RETREG3: variants seen among roughly 807,000 people sequenced by gnomAD.
RETREG3 encodes the protein reticulophagy regulator family member 3.
Under a neutral mutation model 50.2 loss-of-function variants are expected in RETREG3, and 23 were observed. The observed-to-expected ratio is 0.46, with a 90% CI of 0.33 to 0.65. The LOEUF is 0.65. RETREG3 is among the 30% of genes least tolerant of loss of function. The pLI, the probability that RETREG3 is intolerant of heterozygous loss-of-function variation, is 0.02. For missense variants in RETREG3, 546 were observed against 598.0 expected, an observed-to-expected ratio of 0.91 and a Z score of 0.91; for synonymous variants, 240 against 234.4, an observed-to-expected ratio of 1.02 and a Z score of -0.22.
At chr17:42,597,168 C>T (rs1012136680) in intron 1 of RETREG3, among the ~76,000 whole-genome samples, 2 of 150,964 alleles carry the variant, frequency 1.3e-5, no homozygotes, top group African/African-American at 2.4e-5. Context: ...GCCGCTGTAC[C>T]TGGCCAGAAG....
In RETREG3 at chr17:42,605,379, T is replaced by C. The variant is rs1396838391; in HGVS notation, c.239+3707A>G. On this transcript the variant is annotated intron_variant, in intron 1 of 8. Transcript: ENST00000309428. ...AAAAGAGAAACTAAATATTTCAGAT[T>C]TGATTTTTCTGACTTGAGCTAATGA... 4 of 152,150 alleles carry C rather than the reference T, an allele frequency of 2.6e-5. No homozygotes were observed. In the East Asian group the frequency reaches 7.7e-4, roughly 29 times the overall value. The allele number at this position is 152,150 out of a possible 1,614,324, so 9.4% of individuals were successfully genotyped here.
chr17:42,592,267 T>C (rs2143393866), intron 1 of RETREG3, 105 bp from the exon 2 acceptor site: 3 of 852,434 alleles, frequency 3.5e-6, no homozygotes, highest in Non-Finnish European at 5.4e-6. Context: ...ACTTGAGGTC[T>C]AGCTTTTTTT....
chr17:42,587,749 G>C (rs1020955340), intron 3 of RETREG3, 85 bp downstream of exon 3: 29 of 1,527,772 alleles, frequency 1.9e-5, no homozygotes, highest in Middle Eastern at 1.7e-4. Flanking sequence ...TGTGTGTCCA[G>C]AACATGGGGT....
At chr17:42,609,007 A>G (rs923824649) in intron 1 of RETREG3, 79 bp downstream of exon 1, 2 of 1,403,250 alleles carry the variant, frequency 1.4e-6, no homozygotes, top group Non-Finnish European at 1.9e-6. Flanking sequence ...CGAAGAAAAC[A>G]GGGCAGGCGA....
intron 1 of RETREG3, among the ~76,000 whole-genome samples, chr17:42,596,873 AT>A (rs11420307): frequency 2.8e-4 from 41 of 144,182 alleles, no homozygotes; most frequent in East Asian, 4.0e-4. Context: ...GTTTGGAAGA[AT>A]TTTTTTTTTT....
chr17:42,581,067 A>AGAAAG lies in RETREG3; in HGVS notation c.*745_*746insCTTTC, dbSNP rs2093107220. 1 of 151,482 alleles carries AGAAAG rather than the reference A, an allele frequency of 6.6e-6. No individual in the cohort carries two copies. 9.4% of individuals were successfully genotyped at this position (151,482 alleles called of 1,614,324 possible). ...AAAAAAAAAAAGAAAAGAAAAGAAA[A>AGAAAG]GAAAAAAATCAAATCCTGGTTTAAC... On this transcript the variant is annotated 3_prime_UTR_variant, in exon 9 of 9. Transcript: ENST00000309428.
intron 1 of RETREG3, among the ~76,000 whole-genome samples, chr17:42,603,282 G>A (rs2093161723): frequency 6.6e-6 from 1 of 152,074 alleles, no homozygotes; most frequent in Non-Finnish European, 1.5e-5. Flanking sequence ...TATTTTCAAA[G>A]ACATGATTTC....
rs1373302273 is a variant in RETREG3, at chr17:42,599,737, A to G, written c.240-7575T>C. ...TACAGGCATGGTGGCTCACGTCTGT[A>G]ATCCCAGCACTTTGGGAAGCCAAGG... On this transcript the variant is annotated intron_variant, in intron 1 of 8. Transcript: ENST00000309428. Among the ~76,000 whole-genome samples, 2 of 152,044 alleles carry G rather than the reference A, an allele frequency of 1.3e-5. 1 individual carries two copies. The highest frequency in any genetic ancestry group is 2.9e-5 in the Non-Finnish European group (2 of 68,032).
intron 2 of RETREG3, among the ~76,000 whole-genome samples, chr17:42,589,974 G>A (rs535475505): frequency 6.6e-6 from 1 of 152,318 alleles, no homozygotes; most frequent in Admixed American, 6.5e-5. Context: ...GCCAAGGCAC[G>A]CGGATCACTT....
Position 42,604,511 on chromosome 17 carries a change from G to A in RETREG3, c.239+4575C>T, listed in dbSNP as rs529303499. On this transcript the variant is annotated intron_variant, in intron 1 of 8. Coordinates refer to ENST00000309428, the MANE Select transcript of RETREG3 (RefSeq NM_178126.4). The stretch of plus-strand genomic sequence containing the variant: ...ATATTGAGATTCTGTCTCTACAAAA[G>A]TTTTGCAAATAGGCTGGGCCCAGTG... 1.1e-4 allele frequency among the ~76,000 whole-genome samples: 16 copies of A among 151,832 alleles called. No individual in the cohort carries two copies. The South Asian group carries it at 2.7e-3, about 26-fold the overall frequency.
At chr17:42,599,765 G>A (rs2093155128) in intron 1 of RETREG3, among the ~76,000 whole-genome samples, 1 of 152,118 alleles carries the variant, frequency 6.6e-6, no homozygotes, top group African/African-American at 2.4e-5. Flanking sequence ...AGCCAAGGCA[G>A]GTGGATCACC....
At chr17:42,591,314 A>T (rs2093132640) in intron 2 of RETREG3, among the ~76,000 whole-genome samples, 2 of 151,988 alleles carry the variant, frequency 1.3e-5, no homozygotes, top group Admixed American at 1.3e-4. Flanking sequence ...TTAGCTTTTT[A>T]AAAAGACACC....
chr17:42,585,157 C>T lies in RETREG3; in HGVS notation c.695G>A (p.Gly232Asp), dbSNP rs148776284. ...CTCTCTCTGCTTGGACATCATGTAG[C>T]CACGGACACTGAAGTCTAGCCGCTG... is the stretch of plus-strand genomic sequence containing the variant. The part of the protein sequence containing the change: ...ALQRLDFSVR[G>D]YMMSKQRERQ... The change falls in exon 6 of 9, where the codon GGC becomes GAC. Residue 232 changes from glycine to aspartate, a missense_variant. Transcript: ENST00000309428. 1.2e-4 allele frequency: 193 copies of T among 1,613,488 alleles called. No individual in the cohort carries two copies. Among genetic ancestry groups the T allele is most frequent in the Non-Finnish European group, 1.6e-4 (188 of 1,180,028 alleles).
intron 5 of RETREG3, among the ~76,000 whole-genome samples, chr17:42,585,606 C>T (rs534991356): frequency 3.9e-5 from 6 of 152,212 alleles, no homozygotes; most frequent in Admixed American, 6.5e-5. Context: ...GGCATAAGTA[C>T]TTAGTTCTTC....
intron 1 of RETREG3, among the ~76,000 whole-genome samples, chr17:42,594,161 G>T (rs776055871): frequency 8.5e-5 from 13 of 152,146 alleles, no homozygotes; most frequent in Non-Finnish European, 1.6e-4. Context: ...TGCACCTCCA[G>T]CCTGGGTAAC....
chr17:42,605,507 C>T (rs1380984215), intron 1 of RETREG3, among the ~76,000 whole-genome samples: 3 of 152,120 alleles, frequency 2.0e-5, no homozygotes, highest in Non-Finnish European at 4.4e-5. Flanking sequence ...CAATATGACA[C>T]TACTAGAATG....
intron 1 of RETREG3, among the ~76,000 whole-genome samples, chr17:42,602,816 C>T (rs1456788273): frequency 1.3e-5 from 2 of 152,084 alleles, no homozygotes; most frequent in East Asian, 3.9e-4. Flanking sequence ...TGGTGACACA[C>T]ACCTGTAGTC....
rs1310097136 is a variant in RETREG3, at chr17:42,593,892, A to T, written c.240-1730T>A. ...CCCCTAAGTAACATGTGATGTGAAC[A>T]TGAACTATAGAGCCCTGGCCAGGTG... On this transcript the variant is annotated intron_variant, in intron 1 of 8. Transcript: ENST00000309428. Among the ~76,000 whole-genome samples the T allele has an allele frequency of 5.3e-5, 8 of 152,162 alleles. 1 individual carries two copies. The South Asian group carries it at 1.2e-3, about 24-fold the overall frequency.
chr17:42,593,450 C>T (rs974532748), intron 1 of RETREG3, among the ~76,000 whole-genome samples: 4 of 151,458 alleles, frequency 2.6e-5, no homozygotes, highest in Non-Finnish European at 5.9e-5. Flanking sequence ...GAGATCGAGA[C>T]CATCCTGGTT....
Sources: gnomAD v4.1 joint callset for allele counts (sites outside exome capture counted in the v4.1 genomes callset) on GRCh38, gnomAD v4.1.1 for gene constraint, MANE v1.5 for transcripts, NCBI Gene and HGNC (gene_info 2026-07-23, HGNC 2026-07-21) for gene names.